The following NKAIN2 variants were observed in gnomAD, a reference collection of about 807,000 sequenced individuals.
NKAIN2 encodes the protein sodium/potassium transporting ATPase interacting 2, also known as sodium/potassium-transporting ATPase subunit beta-1-interacting protein 2.
NKAIN2 carries 14 observed loss-of-function variants against 32.6 expected under a neutral mutation model. That is an observed-to-expected ratio of 0.43 (90% CI 0.28 to 0.67). The LOEUF is 0.67. Among genes scored for constraint, NKAIN2 ranks in the 30% least tolerant of loss-of-function variants. The pLI, the probability that NKAIN2 is intolerant of heterozygous loss-of-function variation, is 0.17. For missense variants in NKAIN2, 198 were observed against 258.3 expected (o/e 0.77, Z 1.60); for synonymous variants, 80 against 87.2 (o/e 0.92, Z 0.46).
chr6:123,894,390 C>T (rs2114386805), intron 1 of NKAIN2, among the ~76,000 whole-genome samples: 1 of 152,226 alleles, frequency 6.6e-6, no homozygotes, highest in East Asian at 1.9e-4. Flanking sequence ...TCAACGAAAT[C>T]TAGAAACCAT....
intron 4 of NKAIN2, among the ~76,000 whole-genome samples, chr6:124,765,930 T>C (rs1239191020): frequency 6.6e-6 from 1 of 152,230 alleles, no homozygotes; most frequent in Non-Finnish European, 1.5e-5. Context: ...TTGACTCTCT[T>C]CTGTATTTAT....
intron 1 of NKAIN2, among the ~76,000 whole-genome samples, chr6:124,197,227 T>C (rs1432115998): frequency 6.6e-6 from 1 of 152,124 alleles, no homozygotes; most frequent in Non-Finnish European, 1.5e-5. Flanking sequence ...AAGTGTTTTG[T>C]CCCCAGTTCA....
chr6:124,254,099 T>G (rs1221267976), intron 1 of NKAIN2, among the ~76,000 whole-genome samples: 1 of 152,008 alleles, frequency 6.6e-6, no homozygotes, highest in Non-Finnish European at 1.5e-5. Flanking sequence ...ATTACAGGCG[T>G]GAGCCACCGC....
intron 1 of NKAIN2, among the ~76,000 whole-genome samples, chr6:124,111,191 T>C (rs1785370153): frequency 6.6e-6 from 1 of 152,094 alleles, no homozygotes; most frequent in Admixed American, 6.6e-5. Flanking sequence ...CTGCTCCTGT[T>C]TGGTAGAATG....
chr6:124,653,309 A>G (rs887407901), intron 3 of NKAIN2, among the ~76,000 whole-genome samples: 6 of 152,126 alleles, frequency 3.9e-5, no homozygotes, highest in African/African-American at 9.7e-5. Flanking sequence ...AAATAGATCA[A>G]TGGAACAGAA....
intron 3 of NKAIN2, among the ~76,000 whole-genome samples, chr6:124,384,558 C>G (rs886660856): frequency 2.0e-5 from 3 of 152,118 alleles, no homozygotes; most frequent in African/African-American, 7.2e-5. Flanking sequence ...TGAGCAAGGC[C>G]TAATACTTAT....
At chr6:123,989,429 T>C (rs1779319489) in intron 1 of NKAIN2, among the ~76,000 whole-genome samples, 1 of 152,200 alleles carries the variant, frequency 6.6e-6, no homozygotes, top group South Asian at 2.1e-4. Context: ...ATCTATTTAT[T>C]TGTGTGAACA....
chr6:124,727,149 G>T (rs573399317), intron 4 of NKAIN2, among the ~76,000 whole-genome samples: 2 of 151,780 alleles, frequency 1.3e-5, no homozygotes, highest in South Asian at 2.1e-4. Context: ...GATTATCCAG[G>T]AGAACTTCCC....
intron 1 of NKAIN2, among the ~76,000 whole-genome samples, chr6:123,927,857 A>T (rs541626231): frequency 6.6e-6 from 1 of 152,194 alleles, no homozygotes; most frequent in South Asian, 2.1e-4. Flanking sequence ...TAACTTGCAG[A>T]TGTAACTTCT....
At chr6:124,636,846 C>G (rs887449922) in intron 3 of NKAIN2, among the ~76,000 whole-genome samples, 3 of 151,986 alleles carry the variant, frequency 2.0e-5, no homozygotes, top group Admixed American at 6.6e-5. Context: ...CAAACTATTT[C>G]ACAAAAACTG....
intron 2 of NKAIN2, among the ~76,000 whole-genome samples, chr6:124,332,879 G>A (rs1797720597): frequency 6.6e-6 from 1 of 152,128 alleles, no homozygotes; most frequent in Admixed American, 6.6e-5. Context: ...ACTCATCCAG[G>A]AATGTTAGTT....
chr6:124,218,865 G>T (rs1330994193), intron 1 of NKAIN2, among the ~76,000 whole-genome samples: 1 of 152,164 alleles, frequency 6.6e-6, no homozygotes, highest in Non-Finnish European at 1.5e-5. Flanking sequence ...AGATACCCAA[G>T]ACTGGGTAAT....
intron 3 of NKAIN2, among the ~76,000 whole-genome samples, chr6:124,540,749 T>C (rs625403): frequency 0.99 from 151,171 of 152,350 alleles, 75,007 homozygotes; most frequent in East Asian, 1. Context: ...ACTCATACAA[T>C]TATTCGGTTT....
At chr6:124,776,281 T>C (rs1415769) in intron 4 of NKAIN2, among the ~76,000 whole-genome samples, 61,243 of 152,064 alleles carry the variant, frequency 0.4, 14,127 homozygotes, top group Non-Finnish European at 0.51. Flanking sequence ...CTTGGGTTTA[T>C]TGTACCCTAC....
intron 1 of NKAIN2, among the ~76,000 whole-genome samples, chr6:124,028,887 GTATA>G (rs77593596): frequency 0.014 from 598 of 43,392 alleles, 7 homozygotes; most frequent in African/African-American, 0.027. Context: ...ATATATATGT[GTATA>G]TATATATATA....
intron 1 of NKAIN2, among the ~76,000 whole-genome samples, chr6:123,831,912 G>A (rs541861830): frequency 6.6e-6 from 1 of 152,008 alleles, no homozygotes; most frequent in Admixed American, 6.6e-5. Context: ...CCTCGGCCTT[G>A]CAAAGTGCTG....
chr6:124,048,656 C>T (rs1782256287), intron 1 of NKAIN2, among the ~76,000 whole-genome samples: 1 of 151,924 alleles, frequency 6.6e-6, no homozygotes, highest in Non-Finnish European at 1.5e-5. Context: ...GACTAAAATG[C>T]CTTCCAGGAT....
intron 1 of NKAIN2, among the ~76,000 whole-genome samples, chr6:124,186,164 G>GGAGA (rs1226121533): frequency 2.8e-5 from 4 of 141,308 alleles, no homozygotes; most frequent in Non-Finnish European, 6.1e-5. Flanking sequence ...AGGGAGGGAG[G>GGAGA]GAGGGAGGGA....
rs368664134 is a variant in NKAIN2, at chr6:124,205,282, T to A, written c.55-77723T>A. On this transcript the variant is annotated intron_variant, in intron 1 of 6. Transcript: ENST00000368417. ...CAGTTAGATGCTTCTACACGAATTTTCCAAATTATATAAGCTAATTTTAAA... is the reference window on the plus strand; with the variant it reads ...CAGTTAGATGCTTCTACACGAATTTACCAAATTATATAAGCTAATTTTAAA... Among the ~76,000 whole-genome samples, 3 of 152,018 alleles carry A rather than the reference T, an allele frequency of 2.0e-5. No homozygotes were observed. In the East Asian group the frequency reaches 5.8e-4, roughly 29 times the overall value.
Sources: gnomAD v4.1 joint callset for allele counts (sites outside exome capture counted in the v4.1 genomes callset) on GRCh38, gnomAD v4.1.1 for gene constraint, MANE v1.5 for transcripts, NCBI Gene and HGNC (gene_info 2026-07-23, HGNC 2026-07-21) for gene names.